The following ADGRL1 variants were observed in gnomAD, a reference collection of about 807,000 sequenced individuals.
ADGRL1 encodes the protein adhesion G protein-coupled receptor L1.
Under a neutral mutation model 148.9 loss-of-function variants are expected in ADGRL1, and 31 were observed. That is an observed-to-expected ratio of 0.21 (90% CI 0.16 to 0.28). The LOEUF is 0.28. ADGRL1 is among the 10% of genes least tolerant of loss of function. The pLI is 1.00. For missense variants in ADGRL1, 1,521 were observed against 2,058.8 expected (o/e 0.74, Z 5.05); for synonymous variants, 937 against 900.3 (o/e 1.04, Z -0.73).
At chr19:14,197,072 A>T (rs558072005) in intron 1 of ADGRL1, among the ~76,000 whole-genome samples, 27 of 151,872 alleles carry the variant, frequency 1.8e-4, no homozygotes, top group Middle Eastern at 3.4e-3. Flanking sequence ...CAGGAGTTTG[A>T]GACCAGCCTG....
At chr19:14,183,217 G>GAGAGAGAGAGAGAGA (rs1971335341) in intron 2 of ADGRL1, among the ~76,000 whole-genome samples, 4 of 150,772 alleles carry the variant, frequency 2.7e-5, no homozygotes, top group African/African-American at 4.9e-5. Context: ...GAGAGAGAGA[G>GAGAGAGAGAGAGAGA]CGAGAGAGAG....
chr19:14,170,509 G>T (rs1279370228), intron 4 of ADGRL1, 173 bp downstream of exon 4: 2 of 554,942 alleles, frequency 3.6e-6, no homozygotes, highest in Non-Finnish European at 6.6e-6. Context: ...GGCACTGAGT[G>T]TGGACACTGG....
chr19:14,156,439 G>A (rs867242085), intron 16 of ADGRL1, among the ~76,000 whole-genome samples: 1 of 152,012 alleles, frequency 6.6e-6, no homozygotes, highest in Non-Finnish European at 1.5e-5. Flanking sequence ...ACACACTAGG[G>A]GCTCAAATCA....
At position 14,177,528 on chromosome 19, in the gene ADGRL1, C is replaced by T; in HGVS notation, c.284+3G>A. 6.2e-7 allele frequency: 1 copy of T among 1,612,908 alleles called. No homozygotes were observed. The highest frequency in any genetic ancestry group is 1.7e-5 in the Admixed American group (1 of 60,012). On this transcript the variant is annotated splice_donor_region_variant and intron_variant, in intron 3 of 22. Transcript: ENST00000361434. Reference sequence around the variant, plus strand: ...CCAGGAACTGCCACGAGAGCCCACTCACCTCTGTGACATGATCTTGAAGGC... The same window carrying T: ...CCAGGAACTGCCACGAGAGCCCACTTACCTCTGTGACATGATCTTGAAGGC...
Position 14,152,604 on chromosome 19 carries a change from G to A in ADGRL1, c.3433C>T (p.Arg1145Trp). ...RYYTGTQSRI[R>W]RMWNDTVRKQ... ...CTCACAGTGTCATTCCACATCCTCC[G>A]AATTCGGCTCTGGGAACACAACCCA... Residue 1145 changes from arginine (R) to tryptophan (W), a missense_variant, in exon 20 of 23, where the codon CGG becomes TGG. Arg to Trp is a moderately radical substitution (Grantham distance 101, BLOSUM62 -3). Coordinates refer to ENST00000361434, the MANE Select transcript of ADGRL1 (RefSeq NM_014921.5). This position sits in a 1 kb window ranked among gnomAD's most constrained non-coding sequence, Gnocchi z 6.1. 4 of 1,613,902 alleles carry A rather than the reference G, an allele frequency of 2.5e-6. No individual in the cohort carries two copies. The highest frequency in any genetic ancestry group is 1.1e-5 in the South Asian group (1 of 91,044).
rs1969117871 is a variant in ADGRL1, at chr19:14,159,508, T to C, written c.1916A>G (p.Gln639Arg). ...GAGGAGCATGGTGGCCGTGTGCACCTGCTCCGTGGCATTCATGTCCTTCCA... is the reference window on the plus strand; with the variant it reads ...GAGGAGCATGGTGGCCGTGTGCACCCGCTCCGTGGCATTCATGTCCTTCCA... ...ESWKDMNATE[Q>R]VHTATMLLDV... is the part of the protein sequence containing the mutation. The change falls in exon 10 of 23, where the codon CAG (glutamine) becomes CGG (arginine). Residue 639 changes from glutamine (Q) to arginine (R), a missense_variant. Transcript: ENST00000361434. This position sits in a 1 kb window ranked among gnomAD's most constrained non-coding sequence, Gnocchi z 6.0. The C allele has an allele frequency of 6.2e-7, 1 of 1,612,748 alleles. No individual in the cohort carries two copies. Among genetic ancestry groups the C allele is most frequent in the African/African-American group, 1.3e-5 (1 of 74,896 alleles).
In ADGRL1 at chr19:14,155,447, T is replaced by G; in HGVS notation, c.3206A>C (p.Glu1069Ala). The part of the protein sequence containing the change: ...WAFGLLFINK[E>A]SVVMAYLFTT... ...GAAGAGATAGGCCATGACCACCGAC[T>G]CCTTGTTGATGAAGAGGAGGCCGAA... is the stretch of plus-strand genomic sequence containing the variant. The change falls in exon 18 of 23, where the codon GAG becomes GCG. Residue 1069 changes from glutamate to alanine, a missense_variant. Around this residue, in one of 8 missense-constraint regions of ADGRL1, gnomAD observed 185 missense variants for 251.7 expected, o/e 0.74. Coordinates refer to ENST00000361434, the MANE Select transcript of ADGRL1 (RefSeq NM_014921.5). The surrounding 1 kb of genome is among the most constrained non-coding windows in gnomAD (Gnocchi z 5.0). The G allele has an allele frequency of 6.2e-7, 1 of 1,614,082 alleles. No individual in the cohort carries two copies. The highest frequency in any genetic ancestry group is 8.5e-7 in the Non-Finnish European group (1 of 1,179,982).
intron 4 of ADGRL1, among the ~76,000 whole-genome samples, chr19:14,165,845 A>G (rs532308665): frequency 1.3e-4 from 20 of 152,078 alleles, no homozygotes; most frequent in Non-Finnish European, 2.2e-4. Context: ...TCCACAGACC[A>G]CTGTAATTTC....
chr19:14,180,627 G>A (rs533855291), intron 2 of ADGRL1, among the ~76,000 whole-genome samples: 7 of 152,054 alleles, frequency 4.6e-5, no homozygotes, highest in Non-Finnish European at 8.8e-5. Context: ...ATAGCTCACT[G>A]CAGCCTCAAA....
chr19:14,161,702 G>C lies in ADGRL1; in HGVS notation c.1196-76C>G, dbSNP rs1969402478. The stretch of plus-strand genomic sequence containing the variant: ...CAGTGTGCTTGGGCAGGGGGTCCCA[G>C]GCCATCTTAGCATCTTCCTCATCTA... On this transcript the variant is annotated intron_variant, in intron 5 of 22. Coordinates refer to ENST00000361434, the MANE Select transcript of ADGRL1 (RefSeq NM_014921.5). This position sits in a 1 kb window ranked among gnomAD's most constrained non-coding sequence, Gnocchi z 4.4. 1.9e-6 allele frequency: 2 copies of C among 1,076,166 alleles called. No individual in the cohort carries two copies. Among genetic ancestry groups the C allele is most frequent in the Non-Finnish European group, 2.4e-6 (2 of 819,212 alleles). The allele number at this position is 1,076,166 out of a possible 1,614,324, so 66.7% of individuals were successfully genotyped here.
In ADGRL1 at chr19:14,183,045, G is replaced by A. The variant is rs540802843; in HGVS notation, c.70+488C>T. Among the ~76,000 whole-genome samples, 4 of 152,314 alleles carry A rather than the reference G, an allele frequency of 2.6e-5. No individual in the cohort carries two copies. In the South Asian group the frequency reaches 6.2e-4, roughly 24 times the overall value. ...AATCGAGTAATCGGTGAGGGTGGGC[G>A]GGCAGGCTTGGGGCACTAATAGTGG... is the stretch of plus-strand genomic sequence containing the variant. On this transcript the variant is annotated intron_variant, in intron 2 of 22. Transcript: ENST00000361434.
At position 14,159,667 on chromosome 19, in the gene ADGRL1, A is replaced by C. The variant is rs1338926152; in HGVS notation, c.1839+68T>G. 1.1e-5 allele frequency: 18 copies of C among 1,600,706 alleles called. No individual in the cohort carries two copies. Among genetic ancestry groups the C allele is most frequent in the Non-Finnish European group, 1.5e-5 (18 of 1,168,990 alleles). On this transcript the variant is annotated intron_variant, in intron 9 of 22. Transcript: ENST00000361434. This position sits in a 1 kb window ranked among gnomAD's most constrained non-coding sequence, Gnocchi z 6.0. ...GTGGGCTCTGCATGCCCTCTTCTCA[A>C]CCTCCACCCCTAATCCCCCCATCAG...
chr19:14,197,636 C>A (rs1972345268), intron 1 of ADGRL1, among the ~76,000 whole-genome samples: 1 of 152,178 alleles, frequency 6.6e-6, no homozygotes, highest in African/African-American at 2.4e-5. Flanking sequence ...GCCCAGAGGA[C>A]AGCATTCGTA....
rs927431173 is a variant in ADGRL1, at chr19:14,170,971, G to C, written c.285-180C>G. 4.3e-5 allele frequency: 24 copies of C among 561,606 alleles called. No individual in the cohort carries two copies. In the East Asian group the frequency reaches 6.9e-4, roughly 16 times the overall value. 34.8% of individuals were successfully genotyped at this position (561,606 alleles called of 1,614,324 possible). A position where few individuals can be genotyped will look rare whatever the true frequency, so the allele number is the denominator to read the frequency against. On this transcript the variant is annotated intron_variant, in intron 3 of 22. Transcript: ENST00000361434. ...ATACCCAAATCTCATGTTGAATTGT[G>C]ATCTCCAGTGTTGGAGGTGGGGCCT...
intron 1 of ADGRL1, among the ~76,000 whole-genome samples, chr19:14,195,133 C>T (rs1296307511): frequency 1.3e-5 from 2 of 152,132 alleles, no homozygotes; most frequent in East Asian, 3.9e-4. Context: ...GATCCTCCCG[C>T]CTCAGCCTCC....
chr19:14,150,892 T>G lies in ADGRL1; in HGVS notation c.4391A>C (p.Gln1464Pro), dbSNP rs755741298. 4 of 1,612,244 alleles carry G rather than the reference T, an allele frequency of 2.5e-6. No homozygotes were observed. Among genetic ancestry groups the G allele is most frequent in the Admixed American group, 1.7e-5 (1 of 59,980 alleles). Residue 1464 changes from glutamine (Q) to proline (P), a missense_variant, in exon 23 of 23, where the codon CAG becomes CCG. Coordinates refer to ENST00000361434, the MANE Select transcript of ADGRL1 (RefSeq NM_014921.5). ...GPGPDGDGQM[Q>P]LVTSL ...GTGCCCTCAGAGACTGGTGACCAGC[T>G]GCATCTGCCCGTCCCCATCGGGCCC...
chr19:14,167,721 C>T (rs1348180820), intron 4 of ADGRL1, among the ~76,000 whole-genome samples: 3 of 148,438 alleles, frequency 2.0e-5, no homozygotes, highest in African/African-American at 7.5e-5. Context: ...CAGTTGCACC[C>T]GGGCCCCAGA....
intron 3 of ADGRL1, among the ~76,000 whole-genome samples, chr19:14,176,225 C>T (rs1021280573): frequency 1.3e-5 from 2 of 151,708 alleles, no homozygotes; most frequent in African/African-American, 4.9e-5. Context: ...GTGGTGCGCG[C>T]CTGTAGTCCT....
Position 14,148,938 on chromosome 19 carries a change from C to T in ADGRL1, c.*1935G>A, listed in dbSNP as rs996927037. ...CAGTTCCTTCCTAGAGCCCCTCCCC[C>T]TTAACCCAACAAAGTTCATGGCAGC... On this transcript the variant is annotated 3_prime_UTR_variant, in exon 23 of 23. Coordinates refer to ENST00000361434, the MANE Select transcript of ADGRL1 (RefSeq NM_014921.5). 1 of 152,870 alleles carries T rather than the reference C, an allele frequency of 6.5e-6. No homozygotes were observed. The highest frequency in any genetic ancestry group is 6.5e-5 in the Admixed American group (1 of 15,300). The allele number at this position is 152,870 out of a possible 1,614,324, so 9.5% of individuals were successfully genotyped here.
Sources: gnomAD v4.1 joint callset for allele counts (sites outside exome capture counted in the v4.1 genomes callset) on GRCh38, gnomAD v4.1.1 for gene constraint, gnomAD v4.1.1 regional missense constraint, Gnocchi (gnomAD v3.1) non-coding constraint, MANE v1.5 for transcripts, NCBI Gene and HGNC (gene_info 2026-07-23, HGNC 2026-07-21) for gene names.